TOP1: variants seen among roughly 807,000 people sequenced by gnomAD.
TOP1 encodes the protein DNA topoisomerase 1.
Under a neutral mutation model 111.1 loss-of-function variants are expected in TOP1, and 10 were observed. The ratio of observed to expected loss-of-function variants is 0.09; its 90% CI spans 0.06 to 0.15. The LOEUF is 0.15. Among genes scored for constraint, TOP1 ranks in the 10% least tolerant of loss-of-function variants. TOP1 has a pLI of 1.00. For synonymous variants in TOP1, 271 were observed against 302.9 expected (o/e 0.89, Z 1.10); for missense variants, 474 against 926.7 (o/e 0.51, Z 6.34).
In TOP1 at chr20:41,082,860, C is replaced by G. The variant is rs1375115945; in HGVS notation, c.508-1602C>G. Among the ~76,000 whole-genome samples the G allele has an allele frequency of 6.6e-6, 1 of 150,928 alleles. No individual in the cohort carries two copies. The highest frequency in any genetic ancestry group is 2.4e-5 in the African/African-American group (1 of 40,954). On this transcript the variant is annotated intron_variant, in intron 7 of 20. Coordinates refer to ENST00000361337, the MANE Select transcript of TOP1 (RefSeq NM_003286.4). The surrounding 1 kb of genome is among the most constrained non-coding windows in gnomAD (Gnocchi z 4.1). ...GTGTTTTTTTTTTATGTTTATATTG[C>G]ATTTATGCAAAAATAATACTCTGAG... is the stretch of plus-strand genomic sequence containing the variant.
At chr20:41,049,454 C>G (rs1412946691) in intron 2 of TOP1, among the ~76,000 whole-genome samples, 1 of 152,230 alleles carries the variant, frequency 6.6e-6, no homozygotes, top group East Asian at 1.9e-4. Context: ...TGGCAACTTT[C>G]ATTTAATTCA....
Position 41,121,830 on chromosome 20 carries a change from A to C in TOP1, c.2045+40A>C. On this transcript the variant is annotated intron_variant, in intron 19 of 20. Coordinates refer to ENST00000361337, the MANE Select transcript of TOP1 (RefSeq NM_003286.4). The surrounding 1 kb of genome is among the most constrained non-coding windows in gnomAD (Gnocchi z 4.2). ...TTGTGAAAGTTGGGGCTGGTAGAGAAAAGTGTGCAGCATCTGTCAGGGCCC... is the reference window on the plus strand; with the variant it reads ...TTGTGAAAGTTGGGGCTGGTAGAGACAAGTGTGCAGCATCTGTCAGGGCCC... 6.3e-7 allele frequency: 1 copy of C among 1,598,788 alleles called. No homozygotes were observed. The highest frequency in any genetic ancestry group is 1.3e-5 in the African/African-American group (1 of 74,722).
chr20:41,063,853 ATAGT>A lies in TOP1; in HGVS notation c.155+2368_155+2371del, dbSNP rs143221163. ...TCTGGATATTATACCTGTTAGACGC[ATAGT>A]TAGTGAATATTTTCTCCCATTCTGT... On this transcript the variant is annotated intron_variant, in intron 3 of 20. Transcript: ENST00000361337. Among the ~76,000 whole-genome samples the A allele has an allele frequency of 3.5e-3, 530 of 152,188 alleles. 2 individuals are homozygous for A. The highest frequency in any genetic ancestry group is 0.012 in the African/African-American group (507 of 41,536).
At position 41,115,265 on chromosome 20, in the gene TOP1, G is replaced by A. The variant is rs6072275; in HGVS notation, c.1639-106G>A. The A allele has an allele frequency of 0.13, 95,615 of 709,626 alleles. 7,696 individuals are homozygous for A. The highest frequency in any genetic ancestry group is 0.16 in the Non-Finnish European group (64,426 of 410,918). 44.0% of individuals were successfully genotyped at this position (709,626 alleles called of 1,614,324 possible). A position where few individuals can be genotyped will look rare whatever the true frequency, so the allele number is the denominator to read the frequency against. ...GTGAATCTCGGTGACGGATGTATGC[G>A]TGTTCCTTGTGCCTTTTTCTTTGCA... On this transcript the variant is annotated intron_variant, in intron 15 of 20. Coordinates refer to ENST00000361337, the MANE Select transcript of TOP1 (RefSeq NM_003286.4). The surrounding 1 kb of genome is among the most constrained non-coding windows in gnomAD (Gnocchi z 6.3).
At chr20:41,057,139 A>C (rs984372871) in intron 2 of TOP1, among the ~76,000 whole-genome samples, 1 of 151,956 alleles carries the variant, frequency 6.6e-6, no homozygotes, top group Non-Finnish European at 1.5e-5. Flanking sequence ...GGCGGCATGC[A>C]CCTGTAGTCT....
In TOP1 at chr20:41,094,883, G is replaced by A. The variant is rs925875323; in HGVS notation, c.730+2296G>A. On this transcript the variant is annotated intron_variant, in intron 9 of 20. Coordinates refer to ENST00000361337, the MANE Select transcript of TOP1 (RefSeq NM_003286.4). This position sits in a 1 kb window ranked among gnomAD's most constrained non-coding sequence, Gnocchi z 4.4. Reference sequence around the variant, plus strand: ...TGGAGCTCAGCCTTTTCCACAAAGTGTTAACATTGCCAGGAACCTTCCAGT... The same window carrying A: ...TGGAGCTCAGCCTTTTCCACAAAGTATTAACATTGCCAGGAACCTTCCAGT... 2.0e-5 allele frequency among the ~76,000 whole-genome samples: 3 copies of A among 151,976 alleles called. No individual in the cohort carries two copies. Among genetic ancestry groups the A allele is most frequent in the Non-Finnish European group, 2.9e-5 (2 of 67,996 alleles).
rs540954375 is a variant in TOP1 at position 41,092,116 on chromosome 20, A to G, written c.615-356A>G. Among the ~76,000 whole-genome samples the G allele has an allele frequency of 2.0e-5, 3 of 152,330 alleles. No homozygotes were observed. Among genetic ancestry groups the G allele is most frequent in the East Asian group, 3.9e-4 (2 of 5,192 alleles). On this transcript the variant is annotated intron_variant, in intron 8 of 20. Transcript: ENST00000361337. The surrounding 1 kb of genome is among the most constrained non-coding windows in gnomAD (Gnocchi z 4.3). Reference sequence around the variant, plus strand: ...TGAGGAGGCCTTTTCCTTACAAACAATGTAAACAATCCCTCTGTCATGTAT... The same window carrying G: ...TGAGGAGGCCTTTTCCTTACAAACAGTGTAAACAATCCCTCTGTCATGTAT...
In TOP1 at chr20:41,083,141, T is replaced by C. The variant is rs2033808842; in HGVS notation, c.508-1321T>C. Among the ~76,000 whole-genome samples the C allele has an allele frequency of 6.6e-6, 1 of 152,186 alleles. No individual in the cohort carries two copies. The highest frequency in any genetic ancestry group is 2.4e-5 in the African/African-American group (1 of 41,462). ...GTGACTGACACCCCAATTTGAGGCT[T>C]GAAAACATACAATGTAGCCAGTAGT... On this transcript the variant is annotated intron_variant, in intron 7 of 20. Transcript: ENST00000361337. The surrounding 1 kb of genome is among the most constrained non-coding windows in gnomAD (Gnocchi z 7.2).
rs2145970254 is a variant in TOP1 at position 41,118,149 on chromosome 20, C to T, written c.1823-20C>T. On this transcript the variant is annotated intron_variant, in intron 17 of 20. Coordinates refer to ENST00000361337, the MANE Select transcript of TOP1 (RefSeq NM_003286.4). The surrounding 1 kb of genome is among the most constrained non-coding windows in gnomAD (Gnocchi z 4.6). Reference sequence around the variant, plus strand: ...GGTGTACAAACTGACCCTCTTGCTACCATGTTCCTTTCTTTACAGCGGATG... The same window carrying T: ...GGTGTACAAACTGACCCTCTTGCTATCATGTTCCTTTCTTTACAGCGGATG... The T allele has an allele frequency of 6.2e-7, 1 of 1,611,610 alleles. No homozygotes were observed.
chr20:41,084,467 T>C lies in TOP1; in HGVS notation c.513T>C (p.Gly171=). Residue 171 remains glycine (G), a synonymous_variant, in exon 8 of 21, where the codon GGT becomes GGC. Transcript: ENST00000361337. ...CTCACCATGTTTCTTTGTAGGATGGTAAATTGAAAAAACCCAAGAATAAAG... is the reference window on the plus strand; with the variant it reads ...CTCACCATGTTTCTTTGTAGGATGGCAAATTGAAAAAACCCAAGAATAAAG... ...KKRKLEEEED[G]KLKKPKNKDK... is the part of the protein sequence containing the mutation. The C allele has an allele frequency of 6.5e-7, 1 of 1,548,242 alleles. No homozygotes were observed. The highest frequency in any genetic ancestry group is 1.2e-5 in the South Asian group (1 of 83,042).
Position 41,097,122 on chromosome 20 carries a change from A to T in TOP1, c.731-98A>T. ...TCACCAGACCTTTATATACCATGAG[A>T]AGGCAAACCATTATTAAAGAGAATT... On this transcript the variant is annotated intron_variant, in intron 9 of 20. Coordinates refer to ENST00000361337, the MANE Select transcript of TOP1 (RefSeq NM_003286.4). The surrounding 1 kb of genome is among the most constrained non-coding windows in gnomAD (Gnocchi z 4.2). The T allele has an allele frequency of 7.3e-7, 1 of 1,364,810 alleles. No homozygotes were observed. The highest frequency in any genetic ancestry group is 1.4e-5 in the South Asian group (1 of 72,978). The allele number at this position is 1,364,810 out of a possible 1,614,324, so 84.5% of individuals were successfully genotyped here.
chr20:41,111,779 G>A (rs781592074), intron 13 of TOP1, among the ~76,000 whole-genome samples: 1 of 152,154 alleles, frequency 6.6e-6, no homozygotes, highest in African/African-American at 2.4e-5. Flanking sequence ...TAAGAGCAGA[G>A]ATTCTTGGAT....
chr20:41,121,593 C>G lies in TOP1; in HGVS notation c.1951-103C>G. On this transcript the variant is annotated intron_variant, in intron 18 of 20. Transcript: ENST00000361337. This position sits in a 1 kb window ranked among gnomAD's most constrained non-coding sequence, Gnocchi z 4.2. Reference sequence around the variant, plus strand: ...TTGTTTTTTTTTATCTGACAAACCACTGACAGAGACAGCCTGGTCCAGATA... The same window carrying G: ...TTGTTTTTTTTTATCTGACAAACCAGTGACAGAGACAGCCTGGTCCAGATA... 1.1e-6 allele frequency: 1 copy of G among 884,548 alleles called. No individual in the cohort carries two copies. Among genetic ancestry groups the G allele is most frequent in the Non-Finnish European group, 1.9e-6 (1 of 534,506 alleles). 54.8% of individuals were successfully genotyped at this position (884,548 alleles called of 1,614,324 possible). A position where few individuals can be genotyped will look rare whatever the true frequency, so the allele number is the denominator to read the frequency against.
intron 3 of TOP1, among the ~76,000 whole-genome samples, chr20:41,065,742 C>T (rs1250237960): frequency 6.6e-6 from 1 of 152,050 alleles, no homozygotes; most frequent in Non-Finnish European, 1.5e-5. Context: ...GAAATTCATT[C>T]TTTTTTATGA....
At position 41,102,681 on chromosome 20, in the gene TOP1, A is replaced by C. The variant is rs1049104522; in HGVS notation, c.1308+1328A>C. On this transcript the variant is annotated intron_variant, in intron 13 of 20. Transcript: ENST00000361337. The surrounding 1 kb of genome is among the most constrained non-coding windows in gnomAD (Gnocchi z 4.0). ...AGTTTAGATAAGTACAAAATCAGAA[A>C]GCGAACACTTATGTTGAGCAGACTA... Among the ~76,000 whole-genome samples the C allele has an allele frequency of 6.6e-6, 1 of 152,344 alleles. No individual in the cohort carries two copies. Among genetic ancestry groups the C allele is most frequent in the East Asian group, 1.9e-4 (1 of 5,194 alleles).
chr20:41,080,108 C>T lies in TOP1; in HGVS notation c.359C>T (p.Pro120Leu), dbSNP rs2145937618. 1 of 1,610,960 alleles carries T rather than the reference C, an allele frequency of 6.2e-7. No individual in the cohort carries two copies. The highest frequency in any genetic ancestry group is 8.5e-7 in the Non-Finnish European group (1 of 1,178,610). ...FSSPPQIKDE[P>L]EDDGYFVPPK... is the part of the protein sequence containing the mutation. ...AGTCCACCACAAATTAAAGATGAAC[C>T]TGAAGATGATGGCTATTTTGTTCCT... The change falls in exon 6 of 21, where the codon CCT (proline) becomes CTT (leucine). Residue 120 changes from proline (P) to leucine (L), a missense_variant. By Grantham distance (98) the Pro-to-Leu change is moderately conservative. Transcript: ENST00000361337. This position sits in a 1 kb window ranked among gnomAD's most constrained non-coding sequence, Gnocchi z 5.0.
chr20:41,101,175 T>C lies in TOP1; in HGVS notation c.1164-34T>C, dbSNP rs1355639967. On this transcript the variant is annotated intron_variant, in intron 12 of 20. Transcript: ENST00000361337. The surrounding 1 kb of genome is among the most constrained non-coding windows in gnomAD (Gnocchi z 4.1). ...GAAAGGTGAAATTATTCCTCACATC[T>C]TATTTCACTATCCTCGTGCTCTGTT... The C allele has an allele frequency of 1.9e-6, 3 of 1,611,778 alleles. No homozygotes were observed. Among genetic ancestry groups the C allele is most frequent in the Non-Finnish European group, 8.5e-7 (1 of 1,178,272 alleles).
At chr20:41,119,268 C>T (rs143296763) in intron 18 of TOP1, among the ~76,000 whole-genome samples, 255 of 152,268 alleles carry the variant, frequency 1.7e-3, no homozygotes, top group African/African-American at 5.8e-3. Flanking sequence ...ATAAGTGCTG[C>T]TGCTATTACT....
intron 9 of TOP1, among the ~76,000 whole-genome samples, chr20:41,093,596 C>T (rs1384031155): frequency 6.6e-6 from 1 of 152,166 alleles, no homozygotes; most frequent in Admixed American, 6.5e-5. Flanking sequence ...CTCAGCCCCC[C>T]ACTGTTTTCT....
Sources: gnomAD v4.1 joint callset for allele counts (sites outside exome capture counted in the v4.1 genomes callset) on GRCh38, gnomAD v4.1.1 for gene constraint, Gnocchi (gnomAD v3.1) non-coding constraint, MANE v1.5 for transcripts, NCBI Gene and HGNC (gene_info 2026-07-23, HGNC 2026-07-21) for gene names.